SPAG1: variants seen among roughly 807,000 people sequenced by gnomAD.
The protein encoded by SPAG1 is sperm-associated antigen 1.
A neutral mutation model predicts 100.5 loss-of-function variants in SPAG1; 69 were observed. The ratio of observed to expected loss-of-function variants is 0.69; its 90% CI spans 0.57 to 0.84. SPAG1 has a LOEUF of 0.84. Among genes scored for constraint, SPAG1 ranks in the 40% least tolerant of loss-of-function variants. SPAG1 has a pLI of 0.00. For missense variants in SPAG1, 955 were observed against 1,133.1 expected (o/e 0.84, Z 2.26); for synonymous variants, 336 against 411.6 (o/e 0.82, Z 2.22).
intron 12 of SPAG1, among the ~76,000 whole-genome samples, chr8:100,214,667 G>C (rs573643460): frequency 9.7e-4 from 147 of 152,088 alleles, no homozygotes; most frequent in African/African-American, 3.4e-3. Context: ...GTGATGCTTC[G>C]ATATATATGA....
chr8:100,184,796 G>C, intron 7 of SPAG1, 63 bp downstream of exon 7: 1 of 920,122 alleles, frequency 1.1e-6, no homozygotes, highest in South Asian at 1.6e-5. Flanking sequence ...TTTAATTGTT[G>C]AAACAATATA....
At position 100,233,543 on chromosome 8, in the gene SPAG1, G is replaced by C; in HGVS notation, c.2115+6G>C. On this transcript the variant is annotated splice_donor_region_variant and intron_variant, in intron 16 of 18. Transcript: ENST00000388798. ...TGGCTCATAAAGGACTCAAGGTGAG[G>C]AAATCTTCATTTTAATGCATAAACT... The C allele has an allele frequency of 1.3e-6, 2 of 1,581,228 alleles. No homozygotes were observed. Among genetic ancestry groups the C allele is most frequent in the Non-Finnish European group, 1.7e-6 (2 of 1,161,456 alleles).
At chr8:100,185,240 A>G (rs755364040) in intron 7 of SPAG1, 1 of 152,582 alleles carries the variant, frequency 6.6e-6, no homozygotes, top group Non-Finnish European at 1.5e-5. Flanking sequence ...CTAGCCTTTA[A>G]AAGAGAAAAG....
At position 100,220,346 on chromosome 8, in the gene SPAG1, G is replaced by C. The variant is rs1482212664; in HGVS notation, c.1603G>C (p.Glu535Gln). The C allele has an allele frequency of 1.9e-6, 3 of 1,614,038 alleles. No homozygotes were observed. Among genetic ancestry groups the C allele is most frequent in the Non-Finnish European group, 2.5e-6 (3 of 1,179,928 alleles). ...LRRAMAYETL[E>Q]QYGKAYVDYK... The stretch of plus-strand genomic sequence containing the variant: ...GCGGGCGATGGCCTATGAAACTCTA[G>C]AGCAGTATGGGAAAGCTTATGTGGA... The change falls in exon 13 of 19, where the codon GAG becomes CAG. Residue 535 changes from glutamate (E) to glutamine (Q), a missense_variant. By Grantham distance (29) the Glu-to-Gln change is conservative (BLOSUM62 2). Transcript: ENST00000388798.
intron 13 of SPAG1, 83 bp downstream of exon 13, chr8:100,220,514 A>ATAGATGTGT (rs1224563980): frequency 1.3e-5 from 15 of 1,137,386 alleles, no homozygotes; most frequent in South Asian, 1.2e-4. Context: ...ATGTCAAAAT[A>ATAGATGTGT]TAGATGTGTT....
chr8:100,225,437 C>G, intron 14 of SPAG1, 98 bp downstream of exon 14: 2 of 1,116,960 alleles, frequency 1.8e-6, no homozygotes, highest in Middle Eastern at 3.0e-4. Flanking sequence ...ATTCTAGAAT[C>G]AGACCTAGGT....
intron 12 of SPAG1, among the ~76,000 whole-genome samples, chr8:100,219,666 C>T (rs1200012326): frequency 2.0e-5 from 3 of 152,066 alleles, no homozygotes; most frequent in African/African-American, 7.2e-5. Flanking sequence ...ACACTTCAAA[C>T]AAAACCAAAA....
At chr8:100,172,668 ATGTG>A (rs1199821116) in intron 3 of SPAG1, among the ~76,000 whole-genome samples, 5 of 100,650 alleles carry the variant, frequency 5.0e-5, no homozygotes, top group Non-Finnish European at 8.2e-5. Context: ...GTGTGTGTGT[ATGTG>A]TGTGTGTATG....
intron 3 of SPAG1, among the ~76,000 whole-genome samples, chr8:100,167,638 C>T (rs1815622919): frequency 6.6e-6 from 1 of 152,180 alleles, no homozygotes; most frequent in African/African-American, 2.4e-5. Context: ...TTTCATGAAT[C>T]TGTCACTTAA....
chr8:100,213,275 G>GCGGGCGGCGGCGCCACCGGGCATC lies in SPAG1; in HGVS notation c.1293_1316dup (p.Ala432_Gly439dup). ...ACGGCGGGCCTCTGCGGCGGCGGCG[G>GCGGGCGGCGGCGCCACCGGGCATC]CGGGCGGCGGCGCCACCGGGCATCC... On this transcript the variant is annotated inframe_insertion, in exon 11 of 19. Coordinates refer to ENST00000388798, the MANE Select transcript of SPAG1 (RefSeq NM_003114.5). 4.9e-6 allele frequency: 6 copies of GCGGGCGGCGGCGCCACCGGGCATC among 1,214,114 alleles called. No individual in the cohort carries two copies. The South Asian group carries it at 1.2e-4, about 25-fold the overall frequency. The allele number at this position is 1,214,114 out of a possible 1,614,324, so 75.2% of individuals were successfully genotyped here. A position where few individuals can be genotyped will look rare whatever the true frequency, so the allele number is the denominator to read the frequency against.
rs572736469 is a variant in SPAG1, at chr8:100,175,589, C to T, written c.301-2227C>T. On this transcript the variant is annotated intron_variant, in intron 3 of 18. Transcript: ENST00000388798. ...CATAAGCCACCGCACCCAGCTAGCA[C>T]GCAGTAAAGTTCTTAAAGATCTTTG... Among the ~76,000 whole-genome samples the T allele has an allele frequency of 1.9e-4, 29 of 152,150 alleles. 1 individual carries two copies. The highest frequency in any genetic ancestry group is 5.8e-4 in the East Asian group (3 of 5,182).
At chr8:100,194,690 A>G in intron 10 of SPAG1, 1 of 327,714 alleles carries the variant, frequency 3.1e-6, no homozygotes, top group Non-Finnish European at 5.5e-6. Context: ...GAAAATTGCT[A>G]TGTGTGTTTT....
chr8:100,217,113 T>C (rs573027833), intron 12 of SPAG1, among the ~76,000 whole-genome samples: 95 of 151,982 alleles, frequency 6.3e-4, no homozygotes, highest in Non-Finnish European at 1.0e-3. Context: ...ATTTTTCATA[T>C]TTTTTGTAGA....
At chr8:100,203,452 G>A (rs953178290) in intron 10 of SPAG1, among the ~76,000 whole-genome samples, 2 of 152,122 alleles carry the variant, frequency 1.3e-5, no homozygotes, top group Non-Finnish European at 2.9e-5. Context: ...GTTGGTTTTG[G>A]GGTTTCTGGA....
intron 9 of SPAG1, 114 bp downstream of exon 9, chr8:100,191,610 T>G: frequency 1.5e-6 from 1 of 684,574 alleles, no homozygotes; most frequent in South Asian, 1.9e-5. Flanking sequence ...GTCACAGCTT[T>G]AAAAGGTAGG....
At chr8:100,207,996 T>C (rs1454044650) in intron 10 of SPAG1, among the ~76,000 whole-genome samples, 2 of 152,130 alleles carry the variant, frequency 1.3e-5, no homozygotes, top group East Asian at 1.9e-4. Flanking sequence ...CTTCCCCCCA[T>C]AGCCAGGATT....
chr8:100,168,687 C>CTTTTTTTT lies in SPAG1; in HGVS notation c.300+2718_300+2725dup, dbSNP rs747506730. Among the ~76,000 whole-genome samples, 90 of 95,568 alleles carry CTTTTTTTT rather than the reference C, an allele frequency of 9.4e-4. 3 individuals are homozygous for CTTTTTTTT. The highest frequency in any genetic ancestry group is 5.1e-3 in the Admixed American group (38 of 7,410). 62.7% of individuals were successfully genotyped at this position (95,568 alleles called of 152,430 possible). On this transcript the variant is annotated intron_variant, in intron 3 of 18. Coordinates refer to ENST00000388798, the MANE Select transcript of SPAG1 (RefSeq NM_003114.5). ...AGCATGAGCCACCATGCCCAGCCAT[C>CTTTTTTTT]TTTTTTTTTTTGTTGTTGAGACAGA...
intron 10 of SPAG1, 81 bp from the exon 11 acceptor site, chr8:100,213,009 C>A (rs1586494673): frequency 6.6e-6 from 3 of 455,270 alleles, no homozygotes; most frequent in South Asian, 4.3e-5. Context: ...CCGCGTCCTG[C>A]ACCCCCGCGG....
chr8:100,210,791 G>A (rs1817685877), intron 10 of SPAG1, among the ~76,000 whole-genome samples: 1 of 151,874 alleles, frequency 6.6e-6, no homozygotes, highest in Non-Finnish European at 1.5e-5. Context: ...AGAGTGCTAG[G>A]ATTATAGGGG....
Sources: gnomAD v4.1 joint callset for allele counts (sites outside exome capture counted in the v4.1 genomes callset) on GRCh38, gnomAD v4.1.1 for gene constraint, MANE v1.5 for transcripts, NCBI Gene and HGNC (gene_info 2026-07-23, HGNC 2026-07-21) for gene names.